BPIFB3: variants seen among roughly 807,000 people sequenced by gnomAD.
The protein encoded by BPIFB3 is BPI fold containing family B member 3, also known as BPI fold-containing family B member 3.
BPIFB3 carries 49 observed loss-of-function variants against 53.1 expected under a neutral mutation model. That is an observed-to-expected ratio of 0.92 (90% CI 0.73 to 1.17). BPIFB3 has a LOEUF of 1.17. Among genes scored for constraint, BPIFB3 ranks in the 50% most tolerant of loss-of-function variants. The pLI, the probability that BPIFB3 is intolerant of heterozygous loss-of-function variation, is 0.00. For missense variants in BPIFB3, 628 were observed against 592.5 expected (o/e 1.06, Z -0.62); for synonymous variants, 271 against 269.6 (o/e 1.01, Z -0.05).
At chr20:33,061,880 T>C in intron 5 of BPIFB3, 49 bp downstream of exon 6, 2 of 1,598,860 alleles carry the variant, frequency 1.3e-6, no homozygotes, top group Non-Finnish European at 1.7e-6. Context: ...GGACTGGGCC[T>C]CTTTCCCCCT....
rs779078932 is a variant in BPIFB3 at position 33,072,731 on chromosome 20, G to T, written c.1339G>T (p.Gly447Ter). The T allele has an allele frequency of 6.2e-7, 1 of 1,613,304 alleles. No homozygotes were observed. Among genetic ancestry groups the T allele is most frequent in the Non-Finnish European group, 8.5e-7 (1 of 1,179,296 alleles). The change falls in exon 14 of 15, where the codon GGA (glycine) becomes TGA (stop). Residue 447 changes from glycine (G) to a stop codon, truncating the protein, a stop_gained. Coordinates refer to ENST00000375494, the Ensembl canonical transcript of BPIFB3. LOFTEE classifies it high-confidence loss of function. ...TCTTTTCACAGTGGCCCTGGATGTTGGAATTCCCCTGCCTAAGGTTCTTAA... is the reference window on the plus strand; with the variant it reads ...TCTTTTCACAGTGGCCCTGGATGTTTGAATTCCCCTGCCTAAGGTTCTTAA...
At chr20:33,060,150 C>A in intron 4 of BPIFB3, 119 bp downstream of exon 5, 1 of 1,338,662 alleles carries the variant, frequency 7.5e-7, no homozygotes, top group Non-Finnish European at 1.0e-6. Context: ...TCGTCCTACC[C>A]CTGCTTGTCC....
chr20:33,069,111 C>T lies in BPIFB3; in HGVS notation c.1149+138C>T, dbSNP rs1040271101. 5 of 944,486 alleles carry T rather than the reference C, an allele frequency of 5.3e-6. No individual in the cohort carries two copies. The African/African-American group carries it at 8.3e-5, about 16-fold the overall frequency. 58.5% of individuals were successfully genotyped at this position (944,486 alleles called of 1,614,324 possible). On this transcript the variant is annotated intron_variant, in intron 10 of 14. Transcript: ENST00000375494. ...AGTCCAGCACAGGAAGCCCCCCGCC[C>T]CACAACCACTGTCATCATCTGGGCT...
chr20:33,054,226 G>A (rs1422268164), upstream of BPIFB3, among the ~76,000 whole-genome samples: 1 of 151,930 alleles, frequency 6.6e-6, no homozygotes, highest in Non-Finnish European at 1.5e-5. Flanking sequence ...AGAGTTCCAG[G>A]AGTGCCCATT....
intron 1 of BPIFB3, 118 bp from the exon 3 acceptor site, chr20:33,056,424 G>A (rs1318035605): frequency 2.2e-6 from 3 of 1,335,670 alleles, no homozygotes; most frequent in Non-Finnish European, 3.1e-6. Flanking sequence ...TGTAACCTCT[G>A]GGTTAATTCC....
At chr20:33,068,747 C>T in intron 9 of BPIFB3, 56 bp from the exon 11 acceptor site, 1 of 1,557,616 alleles carries the variant, frequency 6.4e-7, no homozygotes, top group Admixed American at 1.7e-5. Context: ...TGTTTGCTGA[C>T]TGACTGACTG....
chr20:33,067,290 A>T (rs918829343), intron 9 of BPIFB3, among the ~76,000 whole-genome samples: 1 of 152,240 alleles, frequency 6.6e-6, no homozygotes, highest in Non-Finnish European at 1.5e-5. Flanking sequence ...ACTAGTGGAC[A>T]TAAGTACATG....
rs1980931417 is a variant in BPIFB3, at chr20:33,072,155, C to A, written c.1312C>A (p.Pro438Thr). The A allele has an allele frequency of 6.2e-7, 1 of 1,614,190 alleles. No homozygotes were observed. Among genetic ancestry groups the A allele is most frequent in the Non-Finnish European group, 8.5e-7 (1 of 1,180,032 alleles). Reference sequence around the variant, plus strand: ...CCATGTGGTCGGGGCAGTGTATGCACCAAAGCTTAACGGTATGGCAGGTTT... The same window carrying A: ...CCATGTGGTCGGGGCAGTGTATGCAACAAAGCTTAACGGTATGGCAGGTTT... Residue 438 changes from proline (P) to threonine (T), a missense_variant, in exon 13 of 15, where the codon CCA (proline) becomes ACA (threonine). By Grantham distance (38) the Pro-to-Thr change is conservative (BLOSUM62 -1). Coordinates refer to ENST00000375494, the Ensembl canonical transcript of BPIFB3.
At chr20:33,055,119 T>C (rs1315597660), upstream of BPIFB3, among the ~76,000 whole-genome samples, 4 of 152,352 alleles carry the variant, frequency 2.6e-5, no homozygotes, top group Admixed American at 2.0e-4. Flanking sequence ...TGTCTCTGAT[T>C]AGTTCTGTGG....
intron 12 of BPIFB3, among the ~76,000 whole-genome samples, chr20:33,071,647 T>C (rs1980900050): frequency 6.6e-6 from 1 of 152,146 alleles, no homozygotes. Context: ...GCAAGTTCCA[T>C]TTCAGAGCTC....
chr20:33,055,514 C>A, exon 1 of BPIFB3: 2 of 1,613,722 alleles, frequency 1.2e-6, no homozygotes, highest in East Asian at 4.5e-5. Flanking sequence ...GGTGGGCACG[C>A]TCGCTCGGAT....
At chr20:33,068,623 G>A (rs1029140784) in intron 9 of BPIFB3, among the ~76,000 whole-genome samples, 180 bp from the exon 11 acceptor site, 4 of 152,146 alleles carry the variant, frequency 2.6e-5, no homozygotes, top group Non-Finnish European at 5.9e-5. Flanking sequence ...CCTGCAGGTC[G>A]GTGTCTCCAC....
intron 8 of BPIFB3, among the ~76,000 whole-genome samples, chr20:33,066,019 G>A (rs935729629): frequency 2.0e-5 from 3 of 152,236 alleles, no homozygotes; most frequent in Non-Finnish European, 4.4e-5. Context: ...TAGGAGCATT[G>A]GGTGTTTGCA....
chr20:33,063,718 G>T, intron 6 of BPIFB3, 43 bp downstream of exon 7: 1 of 1,597,824 alleles, frequency 6.3e-7, no homozygotes, highest in Non-Finnish European at 8.6e-7. Context: ...CCTTCTACCC[G>T]TCTCTGTATG....
At chr20:33,066,927 C>G in intron 9 of BPIFB3, 50 bp downstream of exon 10, 3 of 1,575,466 alleles carry the variant, frequency 1.9e-6, no homozygotes, top group Non-Finnish European at 2.6e-6. Context: ...TTCCTGATGA[C>G]CATGAATGGA....
At chr20:33,067,570 C>A (rs538532318) in intron 9 of BPIFB3, among the ~76,000 whole-genome samples, 7 of 152,150 alleles carry the variant, frequency 4.6e-5, no homozygotes, top group African/African-American at 1.7e-4. Flanking sequence ...TGAATGAGGT[C>A]GGGGCCTCAG....
chr20:33,062,277 C>T (rs78868293), intron 5 of BPIFB3, among the ~76,000 whole-genome samples: 5,090 of 152,266 alleles, frequency 0.033, 131 homozygotes, highest in Non-Finnish European at 0.048. Context: ...CCATGGCCTG[C>T]CCCAGAACAT....
chr20:33,070,621 T>C (rs1568996677), intron 11 of BPIFB3, among the ~76,000 whole-genome samples: 1 of 152,182 alleles, frequency 6.6e-6, no homozygotes, highest in African/African-American at 2.4e-5. Context: ...AGTAGGGACT[T>C]TCCTGGAGAT....
intron 14 of BPIFB3, among the ~76,000 whole-genome samples, chr20:33,073,119 A>G (rs143400432): frequency 6.6e-6 from 1 of 152,352 alleles, no homozygotes; most frequent in East Asian, 1.9e-4. Flanking sequence ...TCCAACAGCA[A>G]CAAATACATA....
Sources: gnomAD v4.1 joint callset for allele counts (sites outside exome capture counted in the v4.1 genomes callset) on GRCh38, gnomAD v4.1.1 for gene constraint, MANE v1.5 for transcripts, NCBI Gene and HGNC (gene_info 2026-07-23, HGNC 2026-07-21) for gene names.